The following STXBP5L variants were observed in gnomAD, a reference collection of about 807,000 sequenced individuals.
The protein encoded by STXBP5L is syntaxin binding protein 5L.
A neutral mutation model predicts 144.5 loss-of-function variants in STXBP5L; 65 were observed. That is an observed-to-expected ratio of 0.45 (90% CI 0.37 to 0.55). The LOEUF is 0.55. Among genes scored for constraint, STXBP5L ranks in the 20% least tolerant of loss-of-function variants. The pLI is 0.00. For missense variants in STXBP5L, 1,298 were observed against 1,405.5 expected (o/e 0.92, Z 1.22); for synonymous variants, 505 against 469.6 (o/e 1.08, Z -0.97).
chr3:120,978,105 G>T (rs1172630326), intron 3 of STXBP5L, among the ~76,000 whole-genome samples: 1 of 152,106 alleles, frequency 6.6e-6, no homozygotes, highest in Non-Finnish European at 1.5e-5. Context: ...TTGCTAGATT[G>T]GGGAAATTCT....
rs561675982 is a variant in STXBP5L, at chr3:121,249,893, T to C, written c.1401-830T>C. 7.8e-4 allele frequency among the ~76,000 whole-genome samples: 119 copies of C among 152,232 alleles called. 3 individuals carry two copies. The South Asian group carries it at 0.024, about 31-fold the overall frequency. On this transcript the variant is annotated intron_variant, in intron 14 of 26. Coordinates refer to ENST00000471454, the MANE Select transcript of STXBP5L (RefSeq NM_001308330.2). ...TGTTCCTAGTTTATTGAAAGTTTTT[T>C]TTAGGAATGGATGATAAATCATGTC...
chr3:121,209,417 G>A (rs1384948841), intron 10 of STXBP5L, among the ~76,000 whole-genome samples: 1 of 151,596 alleles, frequency 6.6e-6, no homozygotes. Flanking sequence ...ATTTTTTTAT[G>A]TTTTTTTATT....
chr3:120,951,462 AAAAC>A lies in STXBP5L; in HGVS notation c.190-3471_190-3468del, dbSNP rs1353249908. On this transcript the variant is annotated intron_variant, in intron 2 of 26. Transcript: ENST00000471454. ...TGAACTCAAACAAATTTACAAGAAA[AAAAC>A]AAACAACCCCATCAAAAAGTGGGCG... is the stretch of plus-strand genomic sequence containing the variant. Among the ~76,000 whole-genome samples, 247 of 151,110 alleles carry A rather than the reference AAAAC, an allele frequency of 1.6e-3. 1 individual carries two copies. The highest frequency in any genetic ancestry group is 5.6e-3 in the African/African-American group (230 of 41,410).
chr3:120,973,973 G>C (rs1219896726), intron 3 of STXBP5L, among the ~76,000 whole-genome samples: 1 of 152,122 alleles, frequency 6.6e-6, no homozygotes, highest in Non-Finnish European at 1.5e-5. Flanking sequence ...CCAAGTCTTT[G>C]CTATTATGAA....
chr3:121,280,046 T>G, intron 19 of STXBP5L, 90 bp downstream of exon 19: 1 of 1,399,724 alleles, frequency 7.1e-7, no homozygotes, highest in Non-Finnish European at 9.7e-7. Context: ...CTGATACTAT[T>G]CAAATGCATG....
chr3:121,144,599 C>T (rs1414897017), intron 7 of STXBP5L, among the ~76,000 whole-genome samples: 1 of 151,880 alleles, frequency 6.6e-6, no homozygotes, highest in Non-Finnish European at 1.5e-5. Flanking sequence ...CTATATAATA[C>T]AGCAGTCCCA....
chr3:120,930,277 G>C (rs966279186), intron 2 of STXBP5L, among the ~76,000 whole-genome samples: 2 of 150,894 alleles, frequency 1.3e-5, no homozygotes, highest in African/African-American at 2.4e-5. Flanking sequence ...TACATAGTGA[G>C]CACAACAGTT....
At chr3:121,197,071 T>C (rs2047949198) in intron 9 of STXBP5L, among the ~76,000 whole-genome samples, 1 of 152,210 alleles carries the variant, frequency 6.6e-6, no homozygotes, top group South Asian at 2.1e-4. Context: ...TTAAGCTGCA[T>C]ACTGGAGTTT....
At chr3:121,077,341 A>G (rs914811951) in intron 5 of STXBP5L, among the ~76,000 whole-genome samples, 2 of 152,146 alleles carry the variant, frequency 1.3e-5, no homozygotes, top group East Asian at 3.8e-4. Flanking sequence ...GCGGACCTTC[A>G]TGGTGAGTGT....
At position 121,238,964 on chromosome 3, in the gene STXBP5L, C is replaced by G; in HGVS notation, c.1185-7C>G. On this transcript the variant is annotated splice_polypyrimidine_tract_variant and splice_region_variant and intron_variant, in intron 12 of 26. Coordinates refer to ENST00000471454, the MANE Select transcript of STXBP5L (RefSeq NM_001308330.2). ...AATAACACTGATATATTGTCTTTAT[C>G]TATTAGTTTTCCAATCTTTGAAAAT... 6.4e-7 allele frequency: 1 copy of G among 1,563,508 alleles called. No individual in the cohort carries two copies. Among genetic ancestry groups the G allele is most frequent in the African/African-American group, 1.4e-5 (1 of 73,108 alleles).
intron 5 of STXBP5L, among the ~76,000 whole-genome samples, chr3:121,086,195 G>A (rs1455756504): frequency 3.3e-5 from 5 of 151,852 alleles, no homozygotes; most frequent in Non-Finnish European, 5.9e-5. Flanking sequence ...CTTTTTAAAT[G>A]TATTTAGCAC....
chr3:121,082,396 G>C (rs1175346151), intron 5 of STXBP5L, among the ~76,000 whole-genome samples: 2 of 151,988 alleles, frequency 1.3e-5, no homozygotes, highest in Non-Finnish European at 2.9e-5. Context: ...TTTGGCACAT[G>C]TTCATTGCTG....
intron 5 of STXBP5L, among the ~76,000 whole-genome samples, chr3:121,055,120 CTTACA>C (rs1948357757): frequency 6.6e-6 from 1 of 152,058 alleles, no homozygotes; most frequent in Admixed American, 6.6e-5. Flanking sequence ...TGTTTTAATG[CTTACA>C]TTAAAGATAA....
At chr3:120,914,228 T>A (rs1051466370) in intron 2 of STXBP5L, among the ~76,000 whole-genome samples, 3 of 151,866 alleles carry the variant, frequency 2.0e-5, no homozygotes, top group African/African-American at 7.2e-5. Flanking sequence ...AAGATAAAAA[T>A]AAGTATATTA....
In STXBP5L at chr3:121,407,539, G is replaced by A; in HGVS notation, c.2884G>A (p.Val962Met). The A allele has an allele frequency of 6.2e-7, 1 of 1,613,370 alleles. No homozygotes were observed. The highest frequency in any genetic ancestry group is 8.5e-7 in the Non-Finnish European group (1 of 1,179,562). The change falls in exon 23 of 27, where the codon GTG (valine) becomes ATG (methionine). Residue 962 changes from valine (V) to methionine (M), a missense_variant. Val to Met is a conservative substitution (Grantham distance 21, BLOSUM62 1). Coordinates refer to ENST00000471454, the MANE Select transcript of STXBP5L (RefSeq NM_001308330.2). Reference protein sequence around the residue: ...ETSFILQANVVVMCSSACLAC... With the variant: ...ETSFILQANVMVMCSSACLAC... ...ATCTTTTATACTGCAAGCAAATGTGGTGGTCATGTGTAGCAGTGCCTGCTT... is the reference window on the plus strand; with the variant it reads ...ATCTTTTATACTGCAAGCAAATGTGATGGTCATGTGTAGCAGTGCCTGCTT...
chr3:120,973,318 A>G (rs373634384), intron 3 of STXBP5L, among the ~76,000 whole-genome samples: 37 of 151,882 alleles, frequency 2.4e-4, no homozygotes, highest in African/African-American at 8.9e-4. Flanking sequence ...TGTTTTCAAG[A>G]GTTTATTCAC....
intron 23 of STXBP5L, among the ~76,000 whole-genome samples, chr3:121,408,747 G>T (rs1405824667): frequency 6.6e-6 from 1 of 152,106 alleles, no homozygotes; most frequent in African/African-American, 2.4e-5. Flanking sequence ...CACAGGGAGG[G>T]AGAAGTTGAG....
At chr3:121,209,334 G>T (rs1469012272) in intron 10 of STXBP5L, among the ~76,000 whole-genome samples, 4 of 152,138 alleles carry the variant, frequency 2.6e-5, no homozygotes, top group Non-Finnish European at 5.9e-5. Context: ...CTAGATCCTT[G>T]AGGAATCGCC....
chr3:121,274,734 C>T (rs2050830218), intron 18 of STXBP5L, among the ~76,000 whole-genome samples: 3 of 152,106 alleles, frequency 2.0e-5, no homozygotes, highest in Non-Finnish European at 4.4e-5. Context: ...ATACAGATTG[C>T]CTATAGAGTG....
Sources: gnomAD v4.1 joint callset for allele counts (sites outside exome capture counted in the v4.1 genomes callset) on GRCh38, gnomAD v4.1.1 for gene constraint, MANE v1.5 for transcripts, NCBI Gene and HGNC (gene_info 2026-07-23, HGNC 2026-07-21) for gene names.